Variants in EPHX2 observed in about 807,000 individuals in gnomAD.
The protein encoded by EPHX2 is bifunctional epoxide hydrolase 2.
EPHX2 carries 74 observed loss-of-function variants against 78.7 expected under a neutral mutation model. That is an observed-to-expected ratio of 0.94 (90% CI 0.78 to 1.14). EPHX2 has a LOEUF of 1.14. Ranked by LOEUF, EPHX2 falls within the 50% of genes most tolerant of loss-of-function variation. The pLI, the probability that EPHX2 is intolerant of heterozygous loss-of-function variation, is 0.00. For synonymous variants in EPHX2, 251 were observed against 255.2 expected (o/e 0.98, Z 0.16); for missense variants, 715 against 702.5 (o/e 1.02, Z -0.20).
intron 2 of EPHX2, among the ~76,000 whole-genome samples, chr8:27,501,396 T>TTCCTTCTTCCTTCTTCCTTCTTC (rs1563340511): frequency 3.4e-4 from 44 of 129,264 alleles, no homozygotes; most frequent in African/African-American, 1.2e-3. Flanking sequence ...TCTTCTTCTT[T>TTCCTTCTTCCTTCTTCCTTCTTC]CTTCTTTCTT....
intron 6 of EPHX2, among the ~76,000 whole-genome samples, chr8:27,512,549 C>T (rs958500639): frequency 1.3e-5 from 2 of 152,182 alleles, no homozygotes. Context: ...CACAGAGGGC[C>T]CTGGCTCGTG....
intron 12 of EPHX2, among the ~76,000 whole-genome samples, chr8:27,531,411 T>G (rs1815038292): frequency 6.6e-6 from 1 of 152,172 alleles, no homozygotes; most frequent in Non-Finnish European, 1.5e-5. Flanking sequence ...CACTGCAGAG[T>G]CAAAGGTCAA....
chr8:27,501,344 T>TCTC (rs1813771747), intron 2 of EPHX2, among the ~76,000 whole-genome samples: 3 of 118,916 alleles, frequency 2.5e-5, no homozygotes, highest in Admixed American at 8.6e-5. Flanking sequence ...TTCTTCTTCT[T>TCTC]CTTCTTCTTC....
chr8:27,534,870 C>G (rs1043105365), intron 12 of EPHX2, among the ~76,000 whole-genome samples: 1 of 152,144 alleles, frequency 6.6e-6, no homozygotes, highest in African/African-American at 2.4e-5. Flanking sequence ...AGCAGAGTTA[C>G]CCCTTGGTGG....
At chr8:27,495,096 G>A (rs992191317) in intron 1 of EPHX2, among the ~76,000 whole-genome samples, 2 of 152,172 alleles carry the variant, frequency 1.3e-5, no homozygotes, top group Admixed American at 6.5e-5. Flanking sequence ...CCACCTCTTT[G>A]GGTTTTTGCA....
At chr8:27,538,518 A>T (rs761472757) in intron 13 of EPHX2, 141 bp from the exon 14 acceptor site, 1 of 706,826 alleles carries the variant, frequency 1.4e-6, no homozygotes, top group Non-Finnish European at 2.4e-6. Flanking sequence ...TCTGCGTGGT[A>T]CTCAGAGGTC....
chr8:27,505,152 G>A lies in EPHX2; in HGVS notation c.537+6G>A. The A allele has an allele frequency of 6.2e-7, 1 of 1,613,838 alleles. No individual in the cohort carries two copies. The highest frequency in any genetic ancestry group is 1.1e-5 in the South Asian group (1 of 91,008). Reference sequence around the variant, plus strand: ...TGAAGGCCAGCCCCAGTGAGGTACGGAGACACTTCCTTATGGCAGAGAAGG... The same window carrying A: ...TGAAGGCCAGCCCCAGTGAGGTACGAAGACACTTCCTTATGGCAGAGAAGG... On this transcript the variant is annotated splice_donor_region_variant and intron_variant, in intron 4 of 18. Transcript: ENST00000521400.
At chr8:27,496,118 C>A (rs1813563573) in intron 1 of EPHX2, among the ~76,000 whole-genome samples, 1 of 152,160 alleles carries the variant, frequency 6.6e-6, no homozygotes, top group African/African-American at 2.4e-5. Flanking sequence ...TTGCTTAGAG[C>A]CCTGGTTCCT....
chr8:27,522,565 G>T, intron 11 of EPHX2, 57 bp downstream of exon 11: 1 of 1,556,680 alleles, frequency 6.4e-7, no homozygotes, highest in Non-Finnish European at 8.8e-7. Context: ...ACTCCTGTGA[G>T]AATTGTTCCT....
chr8:27,520,757 T>TC (rs1187926863), intron 9 of EPHX2, 126 bp from the exon 10 acceptor site: 5 of 1,119,696 alleles, frequency 4.5e-6, no homozygotes, highest in African/African-American at 1.5e-5. Flanking sequence ...AACAGTCCCA[T>TC]TCTGAGGCCC....
At chr8:27,535,703 T>G (rs6558004) in intron 12 of EPHX2, among the ~76,000 whole-genome samples, 47,249 of 151,950 alleles carry the variant, frequency 0.31, 11,179 homozygotes, top group African/African-American at 0.67. Flanking sequence ...TTCCAGCCAT[T>G]CCCCTGTTCT....
At chr8:27,543,282 T>C (rs1294321465) in intron 16 of EPHX2, among the ~76,000 whole-genome samples, 1 of 152,138 alleles carries the variant, frequency 6.6e-6, no homozygotes, top group Non-Finnish European at 1.5e-5. Context: ...GAGGCTTTCC[T>C]GGCCTTCCTG....
At chr8:27,505,909 A>G (rs1481124704) in intron 4 of EPHX2, among the ~76,000 whole-genome samples, 1 of 152,220 alleles carries the variant, frequency 6.6e-6, no homozygotes, top group Non-Finnish European at 1.5e-5. Context: ...CCCTTGTCCA[A>G]GATGGTAAAT....
intron 12 of EPHX2, among the ~76,000 whole-genome samples, chr8:27,530,876 G>T (rs945919558): frequency 6.7e-6 from 1 of 148,802 alleles, no homozygotes; most frequent in African/African-American, 2.5e-5. Context: ...TGATTCTCCT[G>T]CCTCAGCCTC....
chr8:27,525,329 G>A, intron 11 of EPHX2, 33 bp from the exon 12 acceptor site: 1 of 1,593,286 alleles, frequency 6.3e-7, no homozygotes, highest in Non-Finnish European at 8.6e-7. Context: ...TCTTCTTACA[G>A]GGGCTATGTC....
intron 5 of EPHX2, among the ~76,000 whole-genome samples, chr8:27,508,210 C>T (rs942158116): frequency 3.9e-5 from 6 of 152,058 alleles, no homozygotes; most frequent in African/African-American, 1.2e-4. Flanking sequence ...AGCTGAGGCA[C>T]GAGAATAGCT....
intron 11 of EPHX2, among the ~76,000 whole-genome samples, 166 bp downstream of exon 11, chr8:27,522,674 C>T (rs1814690380): frequency 6.6e-6 from 1 of 152,044 alleles, no homozygotes; most frequent in Non-Finnish European, 1.5e-5. Flanking sequence ...ATAAAGAGGG[C>T]CTAGCCGGGC....
intron 12 of EPHX2, among the ~76,000 whole-genome samples, chr8:27,529,047 C>T (rs556912356): frequency 5.3e-5 from 8 of 152,192 alleles, no homozygotes; most frequent in Non-Finnish European, 1.2e-4. Flanking sequence ...CCATCCTCCT[C>T]GGCTTCCCAA....
chr8:27,502,145 A>T (rs1813823019), intron 2 of EPHX2, among the ~76,000 whole-genome samples: 1 of 152,238 alleles, frequency 6.6e-6, no homozygotes, highest in African/African-American at 2.4e-5. Context: ...CTATCCCAAT[A>T]GATCACTTTT....
Sources: allele counts gnomAD v4.1 joint callset (sites outside exome capture counted in the v4.1 genomes callset), GRCh38; gene constraint gnomAD v4.1.1; transcripts MANE v1.5; gene names NCBI Gene and HGNC (gene_info 2026-07-23, HGNC 2026-07-21).